CDH13: variants seen among roughly 807,000 people sequenced by gnomAD.
CDH13 encodes cadherin 13, also known as cadherin-13.
CDH13 carries 24 observed loss-of-function variants against 63.8 expected under a neutral mutation model. The ratio of observed to expected loss-of-function variants is 0.38; its 90% CI spans 0.27 to 0.53. CDH13 has a LOEUF of 0.53. Among genes scored for constraint, CDH13 ranks in the 20% least tolerant of loss-of-function variants. The pLI, the probability that CDH13 is intolerant of heterozygous loss-of-function variation, is 0.85. For synonymous variants in CDH13, 503 were observed against 355.3 expected (o/e 1.42, Z -4.67); for missense variants, 1,049 against 903.1 (o/e 1.16, Z -2.07).
At chr16:83,190,121 A>G (rs2038652131) in intron 4 of CDH13, among the ~76,000 whole-genome samples, 1 of 152,228 alleles carries the variant, frequency 6.6e-6, no homozygotes, top group Non-Finnish European at 1.5e-5. Flanking sequence ...TAATACACAC[A>G]TCTAACAAGA....
At chr16:83,322,066 C>T (rs2090240818) in intron 5 of CDH13, among the ~76,000 whole-genome samples, 1 of 152,092 alleles carries the variant, frequency 6.6e-6, no homozygotes. Context: ...CTGGAAGTCA[C>T]TTAATAAAAA....
chr16:82,681,162 A>T (rs922635430), intron 1 of CDH13, among the ~76,000 whole-genome samples: 12 of 152,248 alleles, frequency 7.9e-5, no homozygotes, highest in African/African-American at 2.9e-4. Context: ...CATCCACGTG[A>T]TAAAATATTA....
At chr16:83,528,874 G>A (rs974931159) in intron 7 of CDH13, among the ~76,000 whole-genome samples, 2 of 152,126 alleles carry the variant, frequency 1.3e-5, no homozygotes, top group African/African-American at 4.8e-5. Flanking sequence ...TTATGGTGAA[G>A]GGATCATGGC....
chr16:82,863,827 G>A (rs2040031396), intron 2 of CDH13, among the ~76,000 whole-genome samples: 1 of 152,166 alleles, frequency 6.6e-6, no homozygotes, highest in South Asian at 2.1e-4. Flanking sequence ...AGCAGTGATT[G>A]TAGGGCATTT....
At chr16:83,339,774 C>G (rs1483291819) in intron 5 of CDH13, among the ~76,000 whole-genome samples, 1 of 152,178 alleles carries the variant, frequency 6.6e-6, no homozygotes, top group East Asian at 1.9e-4. Context: ...ATCTCCCTCC[C>G]ATGATCAGCC....
At chr16:83,000,224 T>A (rs1246802372) in intron 2 of CDH13, among the ~76,000 whole-genome samples, 1 of 34,644 alleles carries the variant, frequency 2.9e-5, no homozygotes, top group African/African-American at 1.5e-4. Flanking sequence ...GTTTAGCTTA[T>A]TTTTTTTTTT....
intron 13 of CDH13, among the ~76,000 whole-genome samples, chr16:83,786,697 C>G (rs1223250822): frequency 1.3e-5 from 2 of 152,114 alleles, no homozygotes; most frequent in African/African-American, 2.4e-5. Flanking sequence ...AAGTGATTCT[C>G]CTGCCTCAGC....
At chr16:83,115,132 T>C (rs941175050) in intron 3 of CDH13, among the ~76,000 whole-genome samples, 1 of 152,146 alleles carries the variant, frequency 6.6e-6, no homozygotes, top group Non-Finnish European at 1.5e-5. Context: ...CTTGAAAAGG[T>C]AGTCTCCAGC....
intron 1 of CDH13, among the ~76,000 whole-genome samples, chr16:82,811,523 T>C (rs146400336): frequency 1.6e-3 from 250 of 152,332 alleles, no homozygotes; most frequent in African/African-American, 5.8e-3. Context: ...TGATTTGTTA[T>C]CTACATTCAT....
intron 1 of CDH13, among the ~76,000 whole-genome samples, chr16:82,858,083 A>G (rs1309354086): frequency 6.6e-6 from 1 of 152,244 alleles, no homozygotes; most frequent in Non-Finnish European, 1.5e-5. Context: ...TCACACATGG[A>G]AACCATGGTG....
chr16:83,302,250 A>G (rs2089766299), intron 5 of CDH13, among the ~76,000 whole-genome samples: 1 of 152,146 alleles, frequency 6.6e-6, no homozygotes, highest in Non-Finnish European at 1.5e-5. Context: ...TACTTCCCGG[A>G]TATTCATCCT....
At position 83,800,225 on chromosome 16, in the gene CDH13, A is replaced by G. The variant is rs192133893; in HGVS notation, c.*5195A>G. 25 of 152,348 alleles carry G rather than the reference A, an allele frequency of 1.6e-4. 1 individual carries two copies. In the East Asian group the frequency reaches 2.5e-3, roughly 15 times the overall value. 9.4% of individuals were successfully genotyped at this position (152,348 alleles called of 1,614,324 possible). A position where few individuals can be genotyped will look rare whatever the true frequency, so the allele number is the denominator to read the frequency against. On this transcript the variant is annotated 3_prime_UTR_variant, in exon 14 of 14. Coordinates refer to ENST00000567109, the MANE Select transcript of CDH13 (RefSeq NM_001257.5). Reference sequence around the variant, plus strand: ...GGAGAAAGGGGCTTATAGAAGCACTATGAAAATAAACTGGAGACTATTTTT... The same window carrying G: ...GGAGAAAGGGGCTTATAGAAGCACTGTGAAAATAAACTGGAGACTATTTTT...
At chr16:83,339,841 G>T (rs552824542) in intron 5 of CDH13, among the ~76,000 whole-genome samples, 100 of 152,310 alleles carry the variant, frequency 6.6e-4, no homozygotes, top group African/African-American at 2.3e-3. Flanking sequence ...CAAAGTGCTG[G>T]TTTAAACATA....
chr16:83,148,259 GC>G (rs1411864495), intron 4 of CDH13, among the ~76,000 whole-genome samples: 1 of 152,110 alleles, frequency 6.6e-6, no homozygotes, highest in East Asian at 1.9e-4. Context: ...TGTTTAAGGG[GC>G]CAGAGAGACC....
chr16:82,777,020 C>T (rs1032245711), intron 1 of CDH13, among the ~76,000 whole-genome samples: 3 of 152,210 alleles, frequency 2.0e-5, no homozygotes, highest in African/African-American at 4.8e-5. Flanking sequence ...ATCATAGTTT[C>T]CTGCAGCCTT....
At chr16:82,846,033 G>T (rs892934422) in intron 1 of CDH13, among the ~76,000 whole-genome samples, 1 of 152,144 alleles carries the variant, frequency 6.6e-6, no homozygotes, top group East Asian at 1.9e-4. Flanking sequence ...ACTGAAGGAG[G>T]GCATGCATGA....
At chr16:82,753,321 A>G (rs1337908783) in intron 1 of CDH13, among the ~76,000 whole-genome samples, 2 of 152,186 alleles carry the variant, frequency 1.3e-5, no homozygotes, top group Admixed American at 6.5e-5. Context: ...AACAATATGC[A>G]TATCTGTCCT....
At chr16:83,123,714 A>G (rs1444857975) in intron 3 of CDH13, among the ~76,000 whole-genome samples, 1 of 152,196 alleles carries the variant, frequency 6.6e-6, no homozygotes, top group African/African-American at 2.4e-5. Flanking sequence ...TCCTTTGTGT[A>G]TATACCTGGT....
intron 1 of CDH13, among the ~76,000 whole-genome samples, chr16:82,822,436 C>CT (rs1567570166): frequency 6.6e-6 from 1 of 152,118 alleles, no homozygotes; most frequent in Non-Finnish European, 1.5e-5. Flanking sequence ...TACAAATTTA[C>CT]TTTTTTAAAA....
Sources: gnomAD v4.1 joint callset for allele counts (sites outside exome capture counted in the v4.1 genomes callset) on GRCh38, gnomAD v4.1.1 for gene constraint, MANE v1.5 for transcripts, NCBI Gene and HGNC (gene_info 2026-07-23, HGNC 2026-07-21) for gene names.